PIK3AP1: variants seen among roughly 807,000 people sequenced by gnomAD.
PIK3AP1 encodes the protein phosphoinositide 3-kinase adapter protein 1.
Under a neutral mutation model 88.1 loss-of-function variants are expected in PIK3AP1, and 21 were observed. That is an observed-to-expected ratio of 0.24 (90% CI 0.17 to 0.34). The LOEUF is 0.34. PIK3AP1 is among the 10% of genes least tolerant of loss of function. The pLI is 1.00. For missense variants in PIK3AP1, 828 were observed against 1,035.7 expected, an observed-to-expected ratio of 0.80 and a Z score of 2.75; for synonymous variants, 398 against 400.0, an observed-to-expected ratio of 1.00 and a Z score of 0.06.
At chr10:96,645,396 C>A in intron 8 of PIK3AP1, 77 bp downstream of exon 8, 1 of 1,483,432 alleles carries the variant, frequency 6.7e-7, no homozygotes, top group Non-Finnish European at 9.2e-7. Context: ...GGGACTGCCC[C>A]GCGCCATCTT....
intron 16 of PIK3AP1, 143 bp from the exon 17 acceptor site, chr10:96,595,777 T>A: frequency 1.3e-6 from 1 of 771,882 alleles, no homozygotes; most frequent in Non-Finnish European, 2.2e-6. Flanking sequence ...AATGTATGAG[T>A]GACACGCATG....
At chr10:96,608,607 T>C (rs565889521) in intron 14 of PIK3AP1, among the ~76,000 whole-genome samples, 184 of 152,358 alleles carry the variant, frequency 1.2e-3, no homozygotes, top group Middle Eastern at 6.8e-3. Context: ...CTATAAAGGA[T>C]GAAGGAAAAC....
At chr10:96,705,365 T>C (rs900838784) in intron 2 of PIK3AP1, among the ~76,000 whole-genome samples, 4 of 152,128 alleles carry the variant, frequency 2.6e-5, no homozygotes, top group African/African-American at 9.7e-5. Context: ...TAAATCCCTT[T>C]ACAGCACGTC....
At chr10:96,607,511 T>A (rs912486) in intron 14 of PIK3AP1, among the ~76,000 whole-genome samples, 1 of 151,992 alleles carries the variant, frequency 6.6e-6, no homozygotes. Context: ...CTAGTCAACC[T>A]CCCGCCCAGG....
chr10:96,708,553 C>T (rs1173504981), intron 2 of PIK3AP1, among the ~76,000 whole-genome samples: 3 of 119,268 alleles, frequency 2.5e-5, no homozygotes, highest in Non-Finnish European at 4.8e-5. Flanking sequence ...CCAACCTGGA[C>T]GTCAGAGCGA....
At chr10:96,699,571 C>T (rs543775628) in intron 2 of PIK3AP1, among the ~76,000 whole-genome samples, 22 of 152,282 alleles carry the variant, frequency 1.4e-4, no homozygotes, top group African/African-American at 5.1e-4. Flanking sequence ...AATGTAGACA[C>T]CATCACAGCA....
Position 96,646,281 on chromosome 10 carries a change from C to T in PIK3AP1, c.1186-619G>A, listed in dbSNP as rs150041081. 3.9e-5 allele frequency among the ~76,000 whole-genome samples: 6 copies of T among 152,096 alleles called. No homozygotes were observed. In the South Asian group the frequency reaches 8.3e-4, roughly 21 times the overall value. On this transcript the variant is annotated intron_variant, in intron 7 of 16. Transcript: ENST00000339364. ...TCTAAAAAAAAAAAAAATACTTTCC[C>T]GTGAGCACCTTTTAAATGTCAGGTA...
At chr10:96,625,618 C>G (rs943690348) in intron 10 of PIK3AP1, among the ~76,000 whole-genome samples, 2 of 152,170 alleles carry the variant, frequency 1.3e-5, no homozygotes, top group African/African-American at 4.8e-5. Flanking sequence ...TCTGGTAACC[C>G]CAACCCAACT....
chr10:96,662,673 G>T (rs1843705372), intron 2 of PIK3AP1, among the ~76,000 whole-genome samples: 1 of 150,800 alleles, frequency 6.6e-6, no homozygotes, highest in Non-Finnish European at 1.5e-5. Flanking sequence ...GAGGTCAGGA[G>T]ATCGAGACCA....
intron 11 of PIK3AP1, among the ~76,000 whole-genome samples, chr10:96,623,031 T>C (rs1010091026): frequency 6.6e-5 from 10 of 152,146 alleles, no homozygotes; most frequent in African/African-American, 2.4e-4. Context: ...ATTTTTAGAT[T>C]GTACTTTTAT....
intron 2 of PIK3AP1, among the ~76,000 whole-genome samples, chr10:96,705,827 G>T (rs1589548567): frequency 6.8e-6 from 1 of 147,200 alleles, no homozygotes; most frequent in Non-Finnish European, 1.5e-5. Context: ...AAATCCTTCT[G>T]CTCCAGCCTC....
Position 96,606,711 on chromosome 10 carries a change from A to G in PIK3AP1, c.2171-2662T>C, listed in dbSNP as rs116834558. 5.9e-3 allele frequency among the ~76,000 whole-genome samples: 894 copies of G among 152,326 alleles called. 12 individuals carry two copies. The highest frequency in any genetic ancestry group is 0.021 in the African/African-American group (858 of 41,566). The stretch of plus-strand genomic sequence containing the variant: ...GGGGAGAAGTATCGGACAAGCATCT[A>G]ACGCCATGCTACTCTTGTACTTTCT... On this transcript the variant is annotated intron_variant, in intron 14 of 16. Transcript: ENST00000339364.
chr10:96,671,392 C>T (rs1408393660), intron 2 of PIK3AP1, among the ~76,000 whole-genome samples: 2 of 152,186 alleles, frequency 1.3e-5, no homozygotes, highest in Admixed American at 6.5e-5. Context: ...GCTCACCCAC[C>T]TTGGTCATTG....
At chr10:96,710,055 G>T in intron 1 of PIK3AP1, 72 bp from the exon 2 acceptor site, 1 of 1,456,390 alleles carries the variant, frequency 6.9e-7, no homozygotes, top group Non-Finnish European at 9.3e-7. Flanking sequence ...AGCCTGCAAA[G>T]GTAGAGCATC....
At chr10:96,653,479 C>CTTTTTTTTTTTT (rs748930022) in intron 3 of PIK3AP1, among the ~76,000 whole-genome samples, 3 of 61,804 alleles carry the variant, frequency 4.9e-5, no homozygotes, top group Non-Finnish European at 8.6e-5. Context: ...ACTTTATACA[C>CTTTTTTTTTTTT]TTTTTTTTTT....
chr10:96,623,330 TG>T, intron 11 of PIK3AP1, 141 bp downstream of exon 11: 1 of 749,970 alleles, frequency 1.3e-6, no homozygotes, highest in Non-Finnish European at 2.1e-6. Flanking sequence ...CCCAAAGTGC[TG>T]GGACTACAGG....
rs77891308 is a variant in PIK3AP1 at position 96,695,552 on chromosome 10, T to C, written c.430+14015A>G. 4.8e-4 allele frequency among the ~76,000 whole-genome samples: 73 copies of C among 152,290 alleles called. 2 individuals are homozygous for C. Among genetic ancestry groups the C allele is most frequent in the African/African-American group, 1.5e-3 (63 of 41,560 alleles). On this transcript the variant is annotated intron_variant, in intron 2 of 16. Transcript: ENST00000339364. ...GAAACTGGCAAGCTGGTAGACAAAA[T>C]AGGCATATTCAACCAGCATTTTCTT...
rs117540620 is a variant in PIK3AP1, at chr10:96,599,855, T to G, written c.2360+2425A>C. Among the ~76,000 whole-genome samples the G allele has an allele frequency of 3.3e-3, 509 of 152,232 alleles. 11 individuals carry two copies. In the East Asian group the frequency reaches 0.077, roughly 23 times the overall value. ...GTTTTCCTCCTTTTCTCTCCCCATC[T>G]CTATCACAACTTGCTTCCAGACTCC... is the stretch of plus-strand genomic sequence containing the variant. On this transcript the variant is annotated intron_variant, in intron 16 of 16. Transcript: ENST00000339364.
At chr10:96,598,702 G>A (rs761679904) in intron 16 of PIK3AP1, among the ~76,000 whole-genome samples, 13 of 152,160 alleles carry the variant, frequency 8.5e-5, no homozygotes, top group South Asian at 4.1e-4. Flanking sequence ...AGATTCACTC[G>A]CATGGGAACA....
Sources: allele counts gnomAD v4.1 joint callset (sites outside exome capture counted in the v4.1 genomes callset), GRCh38; gene constraint gnomAD v4.1.1; transcripts MANE v1.5; gene names NCBI Gene and HGNC (gene_info 2026-07-23, HGNC 2026-07-21).